Variants in BCAT1 observed in about 807,000 individuals in gnomAD.
BCAT1 encodes the protein branched-chain-amino-acid aminotransferase, cytosolic.
In BCAT1, 48 loss-of-function variants were observed where a neutral mutation model predicts 52.4. The ratio of observed to expected loss-of-function variants is 0.92; its 90% confidence interval spans 0.73 to 1.16. BCAT1 has a LOEUF of 1.16. Among genes scored for constraint, BCAT1 ranks in the 50% most tolerant of loss-of-function variants. The probability of loss-of-function intolerance (pLI) is 0.00; values close to 1 mark genes in which losing one functional copy is unlikely to be tolerated. For missense variants in BCAT1, 451 were observed against 457.1 expected (o/e 0.99, Z 0.12); for synonymous variants, 167 against 161.3 (o/e 1.04, Z -0.27).
intron 6 of BCAT1, 90 bp downstream of exon 6, chr12:24,849,695 GT>G (rs1223209606): frequency 1.5e-6 from 2 of 1,345,934 alleles, no homozygotes; most frequent in African/African-American, 2.9e-5. Context: ...AGTTTGAAAA[GT>G]ATTATATGTG....
intron 1 of BCAT1, among the ~76,000 whole-genome samples, chr12:24,912,861 T>A (rs1243339224): frequency 6.6e-6 from 1 of 152,198 alleles, no homozygotes; most frequent in Non-Finnish European, 1.5e-5. Flanking sequence ...ATCACTTTCT[T>A]CAGAAGGTTG....
At chr12:24,859,004 G>A (rs1174115753) in intron 5 of BCAT1, among the ~76,000 whole-genome samples, 1 of 152,128 alleles carries the variant, frequency 6.6e-6, no homozygotes, top group Non-Finnish European at 1.5e-5. Context: ...TGGAATAAAA[G>A]CACAACAGGG....
rs186500064 is a variant in BCAT1, at chr12:24,828,579, C to T, written c.1119+1244G>A. ...TATGGTACATCAATATAATGGAATT[C>T]AATTAAACTTTATAAATGGTGTTGG... On this transcript the variant is annotated intron_variant, in intron 10 of 10. Coordinates refer to ENST00000261192, the MANE Select transcript of BCAT1 (RefSeq NM_005504.7). Among the ~76,000 whole-genome samples, 21 of 152,018 alleles carry T rather than the reference C, an allele frequency of 1.4e-4. 1 individual carries two copies. Among genetic ancestry groups the T allele is most frequent in the Non-Finnish European group, 2.6e-4 (18 of 67,988 alleles).
rs7134871 is a variant in BCAT1 at position 24,816,875 on chromosome 12, C to T, written c.*1133G>A. ...CAGAGTTCACAATAGGATTTGTGCTCCTATGAGAATCTAATGCTGCCACTG... is the reference window on the plus strand; with the variant it reads ...CAGAGTTCACAATAGGATTTGTGCTTCTATGAGAATCTAATGCTGCCACTG... On this transcript the variant is annotated 3_prime_UTR_variant, in exon 11 of 11. Coordinates refer to ENST00000261192, the MANE Select transcript of BCAT1 (RefSeq NM_005504.7). The T allele has an allele frequency of 0.73, 210,973 of 289,476 alleles. 77,395 individuals carry two copies. Among genetic ancestry groups the T allele is most frequent in the East Asian group, 0.9 (16,622 of 18,500 alleles). The allele number at this position is 289,476 out of a possible 1,614,324, so 17.9% of individuals were successfully genotyped here. A position where few individuals can be genotyped will look rare whatever the true frequency, so the allele number is the denominator to read the frequency against.
At chr12:24,866,898 CTG>C (rs1942034594) in intron 5 of BCAT1, among the ~76,000 whole-genome samples, 1 of 151,812 alleles carries the variant, frequency 6.6e-6, no homozygotes, top group Non-Finnish European at 1.5e-5. Context: ...CAGTGGCAAC[CTG>C]CTGGGGTCCC....
intron 1 of BCAT1, among the ~76,000 whole-genome samples, chr12:24,912,385 T>C (rs1721071761): frequency 6.6e-6 from 1 of 152,060 alleles, no homozygotes; most frequent in Non-Finnish European, 1.5e-5. Context: ...CCGGGCGTAG[T>C]GGTGGGCACC....
intron 5 of BCAT1, among the ~76,000 whole-genome samples, chr12:24,870,561 C>T (rs1229316724): frequency 1.3e-5 from 2 of 152,224 alleles, no homozygotes; most frequent in Non-Finnish European, 2.9e-5. Flanking sequence ...AGACACTGAG[C>T]TCTGTGAAAG....
rs1487417989 is a variant in BCAT1, at chr12:24,810,971, A to G, written c.*7037T>C. ...AGTGTCTTTTATTCTAAAGCTAGTTAACCACATATAGAAGTATGGTGTTTA... is the reference window on the plus strand; with the variant it reads ...AGTGTCTTTTATTCTAAAGCTAGTTGACCACATATAGAAGTATGGTGTTTA... On this transcript the variant is annotated 3_prime_UTR_variant, in exon 11 of 11. Transcript: ENST00000261192. The G allele has an allele frequency of 6.6e-6, 1 of 152,154 alleles. No individual in the cohort carries two copies. The highest frequency in any genetic ancestry group is 1.5e-5 in the Non-Finnish European group (1 of 68,030). 9.4% of individuals were successfully genotyped at this position (152,154 alleles called of 1,614,324 possible). A position where few individuals can be genotyped will look rare whatever the true frequency, so the allele number is the denominator to read the frequency against.
intron 7 of BCAT1, among the ~76,000 whole-genome samples, chr12:24,837,106 A>AG (rs1941003890): frequency 7.6e-6 from 1 of 132,328 alleles, no homozygotes. Context: ...AAAGGAAGGA[A>AG]GAAAGAGAAG....
intron 1 of BCAT1, among the ~76,000 whole-genome samples, chr12:24,914,937 G>T (rs1174006661): frequency 6.6e-6 from 1 of 152,136 alleles, no homozygotes; most frequent in Non-Finnish European, 1.5e-5. Flanking sequence ...ATCAAGACTA[G>T]AATCTAATAA....
chr12:24,871,158 ACCAGG>A (rs1942175587), intron 5 of BCAT1, among the ~76,000 whole-genome samples: 1 of 150,564 alleles, frequency 6.6e-6, no homozygotes, highest in Non-Finnish European at 1.5e-5. Flanking sequence ...CGCCAAGGAG[ACCAGG>A]CCATTCCCGA....
intron 8 of BCAT1, among the ~76,000 whole-genome samples, chr12:24,835,554 T>A (rs1940880340): frequency 1.9e-5 from 1 of 53,142 alleles, no homozygotes; most frequent in Non-Finnish European, 4.5e-5. Flanking sequence ...AATTTTATTT[T>A]ATTTATTTAT....
intron 3 of BCAT1, among the ~76,000 whole-genome samples, chr12:24,883,341 A>T (rs1262833132): frequency 1.3e-5 from 2 of 152,218 alleles, no homozygotes; most frequent in African/African-American, 4.8e-5. Flanking sequence ...GGCTACTATC[A>T]AAAAGATAAA....
intron 5 of BCAT1, among the ~76,000 whole-genome samples, chr12:24,852,682 C>G (rs1306102725): frequency 1.3e-5 from 2 of 152,114 alleles, no homozygotes; most frequent in African/African-American, 4.8e-5. Flanking sequence ...GAAAAAAGGT[C>G]TTGATAAACC....
At chr12:24,927,306 T>C (rs1273012714) in intron 1 of BCAT1, among the ~76,000 whole-genome samples, 1 of 150,480 alleles carries the variant, frequency 6.6e-6, no homozygotes, top group Non-Finnish European at 1.5e-5. Flanking sequence ...AGACTCTGTC[T>C]CGAAAAAAAA....
At chr12:24,920,829 C>A (rs7977681) in intron 1 of BCAT1, among the ~76,000 whole-genome samples, 7 of 152,148 alleles carry the variant, frequency 4.6e-5, no homozygotes, top group Non-Finnish European at 8.8e-5. Flanking sequence ...CCCCCTCTTC[C>A]GGTTTGATTA....
intron 2 of BCAT1, among the ~76,000 whole-genome samples, chr12:24,901,048 T>C (rs1943090076): frequency 6.6e-6 from 1 of 152,234 alleles, no homozygotes; most frequent in African/African-American, 2.4e-5. Context: ...AGTAGAGACC[T>C]AATCTTGAAT....
chr12:24,901,938 C>T (rs753981257), intron 1 of BCAT1, 53 bp from the exon 2 acceptor site: 1 of 1,613,350 alleles, frequency 6.2e-7, no homozygotes, highest in East Asian at 2.2e-5. Flanking sequence ...TAAGCGGGAC[C>T]CGGGGTAACC....
intron 5 of BCAT1, among the ~76,000 whole-genome samples, chr12:24,877,110 G>A (rs1942370555): frequency 6.6e-6 from 1 of 152,130 alleles, no homozygotes; most frequent in Non-Finnish European, 1.5e-5. Context: ...AAGGTATCAA[G>A]GATACCAAAG....
Sources: gnomAD v4.1 joint callset for allele counts (sites outside exome capture counted in the v4.1 genomes callset) on GRCh38, gnomAD v4.1.1 for gene constraint, MANE v1.5 for transcripts, NCBI Gene and HGNC (gene_info 2026-07-23, HGNC 2026-07-21) for gene names.